Variants in MAP3K20 observed in about 807,000 individuals in gnomAD.
The protein encoded by MAP3K20 is HCCS-4.
A neutral mutation model predicts 85.7 loss-of-function variants in MAP3K20; 40 were observed. That is an observed-to-expected ratio of 0.47 (90% CI 0.36 to 0.61). The LOEUF is 0.61. MAP3K20 is among the 20% of genes least tolerant of loss of function. The pLI is 0.00. For missense variants in MAP3K20, 817 were observed against 961.7 expected, an observed-to-expected ratio of 0.85 and a Z score of 1.99; for synonymous variants, 325 against 327.7, an observed-to-expected ratio of 0.99 and a Z score of 0.09.
intron 10 of MAP3K20, chr2:173,211,378 T>C (rs1199907549): frequency 6.6e-6 from 1 of 152,374 alleles, no homozygotes. Flanking sequence ...TTTCAGTCCC[T>C]CAACAGATGC....
intron 2 of MAP3K20, among the ~76,000 whole-genome samples, chr2:173,163,223 C>T (rs1689716865): frequency 6.6e-6 from 1 of 152,134 alleles, no homozygotes; most frequent in Non-Finnish European, 1.5e-5. Context: ...ATTTTATCAC[C>T]CAGGTAATAA....
In MAP3K20 at chr2:173,209,803, T is replaced by TAA; in HGVS notation, c.820_821dup (p.Asn274LysfsTer22). 2 of 1,614,168 alleles carry TAA rather than the reference T, an allele frequency of 1.2e-6. No individual in the cohort carries two copies. The highest frequency in any genetic ancestry group is 1.7e-6 in the Non-Finnish European group (2 of 1,180,022). On this transcript the variant is annotated frameshift_variant, in exon 10 of 20. Coordinates refer to ENST00000375213, the MANE Select transcript of MAP3K20 (RefSeq NM_016653.3). LOFTEE classifies it high-confidence loss of function. ...ATGACACGAGCCTTCCTGACAAGTGTAACTCATTCCTACACAACAAGGCGG... is the reference window on the plus strand; with the variant it reads ...ATGACACGAGCCTTCCTGACAAGTGTAAAACTCATTCCTACACAACAAGGCGG...
At chr2:173,234,351 C>G (rs1324395044) in intron 14 of MAP3K20, among the ~76,000 whole-genome samples, 6 of 152,114 alleles carry the variant, frequency 3.9e-5, no homozygotes, top group Non-Finnish European at 8.8e-5. Context: ...ATTTATTGTT[C>G]AAAAAATTCA....
At chr2:173,120,890 A>T (rs1469447207) in intron 2 of MAP3K20, among the ~76,000 whole-genome samples, 1 of 151,652 alleles carries the variant, frequency 6.6e-6, no homozygotes, top group Non-Finnish European at 1.5e-5. Context: ...TTTGTATTTT[A>T]GTAGAGACAT....
intron 2 of MAP3K20, among the ~76,000 whole-genome samples, chr2:173,150,423 G>A (rs1559253436): frequency 1.3e-5 from 2 of 152,116 alleles, no homozygotes; most frequent in African/African-American, 4.8e-5. Flanking sequence ...TTGATTTGTG[G>A]TCAGTGTCCT....
chr2:173,156,902 T>G (rs1689490612), intron 2 of MAP3K20, among the ~76,000 whole-genome samples: 1 of 152,244 alleles, frequency 6.6e-6, no homozygotes, highest in Non-Finnish European at 1.5e-5. Flanking sequence ...CTTTGAGTTT[T>G]GGTTTCAGGG....
At chr2:173,182,311 T>C (rs1690355743) in intron 3 of MAP3K20, among the ~76,000 whole-genome samples, 1 of 152,218 alleles carries the variant, frequency 6.6e-6, no homozygotes, top group South Asian at 2.1e-4. Context: ...TGCCCAACTT[T>C]ATGAACTTAC....
chr2:173,162,619 G>C (rs1343777481), intron 2 of MAP3K20, among the ~76,000 whole-genome samples: 1 of 151,296 alleles, frequency 6.6e-6, no homozygotes, highest in Non-Finnish European at 1.5e-5. Flanking sequence ...CCAGGAGGCG[G>C]AGGTTGCAGT....
intron 3 of MAP3K20, among the ~76,000 whole-genome samples, chr2:173,173,681 A>C (rs184507223): frequency 1.9e-4 from 29 of 152,340 alleles, no homozygotes; most frequent in African/African-American, 6.7e-4. Context: ...CAAGTGTCAC[A>C]TTTTGTTATA....
chr2:173,113,850 A>G (rs1430252026), intron 2 of MAP3K20, among the ~76,000 whole-genome samples: 1 of 152,138 alleles, frequency 6.6e-6, no homozygotes, highest in Non-Finnish European at 1.5e-5. Context: ...TGTTGAATAA[A>G]ATGTGTATTT....
chr2:173,205,929 G>A (rs1683671738), intron 9 of MAP3K20, among the ~76,000 whole-genome samples: 1 of 152,128 alleles, frequency 6.6e-6, no homozygotes, highest in African/African-American at 2.4e-5. Flanking sequence ...AACTAGTTCA[G>A]TAGAAACTAT....
At chr2:173,213,714 GC>G (rs1219317480) in intron 10 of MAP3K20, among the ~76,000 whole-genome samples, 5 of 152,174 alleles carry the variant, frequency 3.3e-5, no homozygotes, top group Admixed American at 6.5e-5. Flanking sequence ...GCTGTACAGT[GC>G]GGTTACTAGA....
intron 16 of MAP3K20, 78 bp from the exon 17 acceptor site, chr2:173,258,621 T>C (rs917872258): frequency 5.4e-6 from 4 of 746,490 alleles, no homozygotes; most frequent in Non-Finnish European, 8.9e-6. Flanking sequence ...TAGAATATTT[T>C]ATGTGTTAGG....
At chr2:173,107,544 T>G (rs1290638684) in intron 2 of MAP3K20, among the ~76,000 whole-genome samples, 1 of 152,186 alleles carries the variant, frequency 6.6e-6, no homozygotes, top group Non-Finnish European at 1.5e-5. Context: ...TTTACATGTT[T>G]TAAAATAAAA....
chr2:173,214,908 T>C (rs754305916), intron 10 of MAP3K20, among the ~76,000 whole-genome samples: 5 of 152,216 alleles, frequency 3.3e-5, no homozygotes, highest in Non-Finnish European at 5.9e-5. Flanking sequence ...GTTACATCTC[T>C]AATGGCATAT....
chr2:173,218,500 T>C (rs1447297409), intron 11 of MAP3K20, among the ~76,000 whole-genome samples: 1 of 152,220 alleles, frequency 6.6e-6, no homozygotes, highest in Non-Finnish European at 1.5e-5. Flanking sequence ...GGAAGTTTCC[T>C]GTTCTGGCTG....
In MAP3K20 at chr2:173,177,852, G is replaced by C. The variant is rs562133747; in HGVS notation, c.248-5002G>C. Reference sequence around the variant, plus strand: ...GGCAGTATTTAGAAGGAAATGTATAGCTTTCAACACCTATATCAAAAAGAA... The same window carrying C: ...GGCAGTATTTAGAAGGAAATGTATACCTTTCAACACCTATATCAAAAAGAA... On this transcript the variant is annotated intron_variant, in intron 3 of 19. Coordinates refer to ENST00000375213, the MANE Select transcript of MAP3K20 (RefSeq NM_016653.3). 2.1e-5 allele frequency among the ~76,000 whole-genome samples: 3 copies of C among 142,876 alleles called. No homozygotes were observed. The South Asian group carries it at 7.2e-4, about 34-fold the overall frequency. The allele number at this position is 142,876 out of a possible 152,430, so 93.7% of individuals were successfully genotyped here. A position where few individuals can be genotyped will look rare whatever the true frequency, so the allele number is the denominator to read the frequency against.
intron 18 of MAP3K20, among the ~76,000 whole-genome samples, chr2:173,262,371 G>A (rs1195624325): frequency 2.6e-5 from 4 of 152,128 alleles, no homozygotes; most frequent in African/African-American, 9.7e-5. Flanking sequence ...AGGCCAAGGC[G>A]GGTGGATCAC....
At chr2:173,130,737 G>T (rs1688592666) in intron 2 of MAP3K20, among the ~76,000 whole-genome samples, 1 of 152,188 alleles carries the variant, frequency 6.6e-6, no homozygotes, top group Non-Finnish European at 1.5e-5. Context: ...GTTCTATATG[G>T]AACAGACTTT....
Sources: allele counts gnomAD v4.1 joint callset (sites outside exome capture counted in the v4.1 genomes callset), GRCh38; gene constraint gnomAD v4.1.1; transcripts MANE v1.5; gene names NCBI Gene and HGNC (gene_info 2026-07-23, HGNC 2026-07-21).